The following CCDC85A variants were observed in gnomAD, a reference collection of about 807,000 sequenced individuals.
CCDC85A encodes coiled-coil domain containing 85A.
Under a neutral mutation model 50.2 loss-of-function variants are expected in CCDC85A, and 38 were observed. The ratio of observed to expected loss-of-function variants is 0.76; its 90% CI spans 0.58 to 0.99. CCDC85A has a LOEUF of 0.99. Ranked by LOEUF, CCDC85A falls within the 50% of genes least tolerant of loss-of-function variation. The pLI is 0.00. For missense variants in CCDC85A, 820 were observed against 742.0 expected, an observed-to-expected ratio of 1.11 and a Z score of -1.22; for synonymous variants, 366 against 301.4, an observed-to-expected ratio of 1.21 and a Z score of -2.22.
chr2:56,207,577 T>G (rs1390969642), intron 2 of CCDC85A, among the ~76,000 whole-genome samples: 3 of 152,210 alleles, frequency 2.0e-5, no homozygotes, highest in Admixed American at 2.0e-4. Flanking sequence ...GCTGCAATTA[T>G]AGGTGTGTTG....
intron 1 of CCDC85A, among the ~76,000 whole-genome samples, chr2:56,189,871 A>G (rs1429339967): frequency 1.3e-5 from 2 of 152,150 alleles, no homozygotes; most frequent in African/African-American, 4.8e-5. Flanking sequence ...TGGTGCAAAC[A>G]AAGGCAGGGA....
At position 56,367,370 on chromosome 2, in the gene CCDC85A, A is replaced by C. The variant is rs1446830791; in HGVS notation, c.1318-4974A>C. 2.3e-4 allele frequency among the ~76,000 whole-genome samples: 35 copies of C among 152,148 alleles called. 1 individual carries two copies. The highest frequency in any genetic ancestry group is 2.2e-3 in the Admixed American group (33 of 15,266). On this transcript the variant is annotated intron_variant, in intron 3 of 5. Transcript: ENST00000407595. The stretch of plus-strand genomic sequence containing the variant: ...TAGACCATTTGAGGGCTGAAGCTTA[A>C]GGAGTTTCCTTCTAAATCCTTTCAA...
intron 2 of CCDC85A, among the ~76,000 whole-genome samples, chr2:56,269,614 C>G (rs1670610344): frequency 6.6e-6 from 1 of 152,062 alleles, no homozygotes; most frequent in Non-Finnish European, 1.5e-5. Context: ...GGCACTTTCC[C>G]TCACCAACAA....
intron 2 of CCDC85A, among the ~76,000 whole-genome samples, chr2:56,244,261 A>T (rs1669401676): frequency 6.6e-6 from 1 of 152,006 alleles, no homozygotes; most frequent in African/African-American, 2.4e-5. Context: ...CTGCAGCTAA[A>T]CTGGCCCTGA....
At chr2:56,255,314 T>G (rs991209567) in intron 2 of CCDC85A, among the ~76,000 whole-genome samples, 1 of 152,160 alleles carries the variant, frequency 6.6e-6, no homozygotes, top group Non-Finnish European at 1.5e-5. Flanking sequence ...CCAGAGTGAT[T>G]TGTTGGCTGC....
At chr2:56,267,329 CT>C (rs1292973867) in intron 2 of CCDC85A, among the ~76,000 whole-genome samples, 3 of 151,618 alleles carry the variant, frequency 2.0e-5, no homozygotes, top group South Asian at 4.2e-4. Context: ...ATTTCTGATC[CT>C]TTTTTTTCCC....
chr2:56,320,652 C>T (rs1472886661), intron 2 of CCDC85A, among the ~76,000 whole-genome samples: 1 of 152,034 alleles, frequency 6.6e-6, no homozygotes, highest in Non-Finnish European at 1.5e-5. Context: ...TAATTAATAG[C>T]CTACCAACCA....
intron 2 of CCDC85A, among the ~76,000 whole-genome samples, chr2:56,260,924 G>A (rs1016558610): frequency 5.3e-5 from 8 of 152,124 alleles, no homozygotes; most frequent in African/African-American, 1.7e-4. Flanking sequence ...TATAGAACTT[G>A]CCTTCACAAA....
At chr2:56,217,931 A>G (rs1054976677) in intron 2 of CCDC85A, among the ~76,000 whole-genome samples, 19 of 151,828 alleles carry the variant, frequency 1.3e-4, no homozygotes, top group Admixed American at 6.6e-4. Flanking sequence ...AAATATGTGC[A>G]TATTTTAATG....
rs145381190 is a variant in CCDC85A at position 56,220,583 on chromosome 2, C to T, written c.1240+27143C>T. ...CCAGAAACTTTATCACTCAGTATTC[C>T]GTAAATTGCAGACAGTTTAGCAGGT... On this transcript the variant is annotated intron_variant, in intron 2 of 5. Coordinates refer to ENST00000407595, the MANE Select transcript of CCDC85A (RefSeq NM_001080433.2). Among the ~76,000 whole-genome samples, 39 of 151,990 alleles carry T rather than the reference C, an allele frequency of 2.6e-4. No individual in the cohort carries two copies. In the East Asian group the frequency reaches 6.8e-3, roughly 26 times the overall value.
intron 1 of CCDC85A, among the ~76,000 whole-genome samples, chr2:56,191,403 A>G (rs1676289477): frequency 6.6e-6 from 1 of 152,220 alleles, no homozygotes; most frequent in East Asian, 1.9e-4. Context: ...GTATTTGTGA[A>G]CAAGCAAGTG....
intron 2 of CCDC85A, among the ~76,000 whole-genome samples, chr2:56,309,831 T>C (rs1369299262): frequency 6.6e-6 from 1 of 152,192 alleles, no homozygotes; most frequent in East Asian, 1.9e-4. Context: ...GGTTTGAGGC[T>C]GGCTGCATCA....
At chr2:56,243,320 T>C (rs1312507925) in intron 2 of CCDC85A, among the ~76,000 whole-genome samples, 1 of 152,078 alleles carries the variant, frequency 6.6e-6, no homozygotes, top group African/African-American at 2.4e-5. Context: ...TGCTTCATTT[T>C]TTTTCTTTTT....
intron 2 of CCDC85A, among the ~76,000 whole-genome samples, chr2:56,287,259 C>G (rs756048255): frequency 6.6e-6 from 1 of 152,188 alleles, no homozygotes; most frequent in Non-Finnish European, 1.5e-5. Context: ...GTGGAATTGT[C>G]TTATTTCCAG....
intron 2 of CCDC85A, among the ~76,000 whole-genome samples, chr2:56,226,037 T>C (rs759060456): frequency 6.6e-6 from 1 of 152,186 alleles, no homozygotes; most frequent in Non-Finnish European, 1.5e-5. Flanking sequence ...TTAAAATGTG[T>C]TGCATAGAAC....
intron 2 of CCDC85A, among the ~76,000 whole-genome samples, chr2:56,211,853 A>G (rs1677192793): frequency 6.6e-6 from 1 of 152,000 alleles, no homozygotes; most frequent in Non-Finnish European, 1.5e-5. Flanking sequence ...TGTTCTCCTC[A>G]TCTCTAATAT....
chr2:56,245,325 G>C (rs941962928), intron 2 of CCDC85A, among the ~76,000 whole-genome samples: 2 of 152,212 alleles, frequency 1.3e-5, no homozygotes, highest in Admixed American at 6.5e-5. Context: ...ATTCTGCCCA[G>C]TGTTGGCAGC....
chr2:56,304,915 A>AAAAC (rs149177609), intron 2 of CCDC85A, among the ~76,000 whole-genome samples: 152 of 149,104 alleles, frequency 1.0e-3, no homozygotes, highest in Non-Finnish European at 1.9e-3. Context: ...CAAAAAACAA[A>AAAAC]AAACAAACAA....
At chr2:56,256,628 G>A (rs549235630) in intron 2 of CCDC85A, among the ~76,000 whole-genome samples, 4 of 152,178 alleles carry the variant, frequency 2.6e-5, no homozygotes, top group Admixed American at 6.5e-5. Flanking sequence ...AAGTAGGGCA[G>A]GCCCTTTTTA....
Sources: gnomAD v4.1 joint callset for allele counts (sites outside exome capture counted in the v4.1 genomes callset) on GRCh38, gnomAD v4.1.1 for gene constraint, MANE v1.5 for transcripts, NCBI Gene and HGNC (gene_info 2026-07-23, HGNC 2026-07-21) for gene names.